Variants in HS6ST3 observed in about 807,000 individuals in gnomAD.
The protein encoded by HS6ST3 is heparan-sulfate 6-O-sulfotransferase 3.
A neutral mutation model predicts 36.7 loss-of-function variants in HS6ST3; 12 were observed. That is an observed-to-expected ratio of 0.33 (90% CI 0.21 to 0.53). The LOEUF (loss-of-function observed/expected upper bound fraction) is 0.53. HS6ST3 is among the 20% of genes least tolerant of loss of function. The pLI is 0.95. For synonymous variants in HS6ST3, 240 were observed against 257.5 expected, an observed-to-expected ratio of 0.93 and a Z score of 0.65; for missense variants, 584 against 640.9, an observed-to-expected ratio of 0.91 and a Z score of 0.96.
At chr13:96,632,596 T>G (rs1158739955) in intron 1 of HS6ST3, among the ~76,000 whole-genome samples, 1 of 152,182 alleles carries the variant, frequency 6.6e-6, no homozygotes, top group Non-Finnish European at 1.5e-5. Context: ...GAATTTAAGC[T>G]ACCATTAAGA....
At chr13:96,244,018 G>A (rs755173292) in intron 1 of HS6ST3, among the ~76,000 whole-genome samples, 13 of 151,768 alleles carry the variant, frequency 8.6e-5, no homozygotes, top group Admixed American at 2.6e-4. Flanking sequence ...AGGCCCCCCC[G>A]AGAATCTTAA....
At chr13:96,134,913 T>A (rs2053993792) in intron 1 of HS6ST3, among the ~76,000 whole-genome samples, 1 of 152,234 alleles carries the variant, frequency 6.6e-6, no homozygotes. Flanking sequence ...GTTTTTCTTT[T>A]CTTGCATCCC....
intron 1 of HS6ST3, among the ~76,000 whole-genome samples, chr13:96,556,608 C>A (rs1164954822): frequency 1.3e-5 from 2 of 152,052 alleles, no homozygotes; most frequent in Admixed American, 6.6e-5. Context: ...AAAAAGAAAT[C>A]CTGTTTGGAT....
intron 1 of HS6ST3, among the ~76,000 whole-genome samples, chr13:96,439,856 GAT>G (rs1207729746): frequency 1.3e-5 from 2 of 152,194 alleles, no homozygotes; most frequent in Non-Finnish European, 2.9e-5. Flanking sequence ...CTAATTATGT[GAT>G]AAACTCAAGT....
At chr13:96,533,359 G>A (rs910228988) in intron 1 of HS6ST3, among the ~76,000 whole-genome samples, 1 of 152,122 alleles carries the variant, frequency 6.6e-6, no homozygotes, top group Non-Finnish European at 1.5e-5. Flanking sequence ...GATCCTGTAT[G>A]TTATTGACAA....
At chr13:96,300,240 A>G (rs2054875343) in intron 1 of HS6ST3, among the ~76,000 whole-genome samples, 2 of 151,606 alleles carry the variant, frequency 1.3e-5, no homozygotes, top group South Asian at 4.2e-4. Flanking sequence ...TATTTTTAGT[A>G]GAGATGGAGT....
intron 1 of HS6ST3, among the ~76,000 whole-genome samples, chr13:96,673,731 T>G (rs2056689856): frequency 6.6e-6 from 1 of 152,116 alleles, no homozygotes; most frequent in Non-Finnish European, 1.5e-5. Flanking sequence ...TTTCTTCAAT[T>G]TATCTCTTCT....
intron 1 of HS6ST3, among the ~76,000 whole-genome samples, chr13:96,302,780 TATA>T (rs1396458673): frequency 3.9e-5 from 6 of 152,270 alleles, no homozygotes; most frequent in Middle Eastern, 3.4e-3. Flanking sequence ...AGTGTGATAA[TATA>T]ATGATTACAC....
chr13:96,438,032 C>A (rs867048025), intron 1 of HS6ST3, among the ~76,000 whole-genome samples: 1 of 152,146 alleles, frequency 6.6e-6, no homozygotes, highest in East Asian at 1.9e-4. Flanking sequence ...CGCTGGGGGA[C>A]ATTCTATTAT....
At chr13:96,452,523 G>C (rs1309556653) in intron 1 of HS6ST3, among the ~76,000 whole-genome samples, 4 of 149,604 alleles carry the variant, frequency 2.7e-5, no homozygotes, top group African/African-American at 9.9e-5. Context: ...TCAAAAATGT[G>C]AATTTTAAGA....
chr13:96,245,114 T>C (rs1196011532), intron 1 of HS6ST3, among the ~76,000 whole-genome samples: 5 of 152,214 alleles, frequency 3.3e-5, no homozygotes, highest in Admixed American at 6.5e-5. Context: ...TCCCAGATGA[T>C]TGAAATCAAG....
chr13:96,133,353 C>G (rs529938265), intron 1 of HS6ST3, among the ~76,000 whole-genome samples: 4 of 152,222 alleles, frequency 2.6e-5, no homozygotes, highest in East Asian at 3.9e-4. Flanking sequence ...GTCTTGAACT[C>G]CTGACCTCGT....
chr13:96,346,543 G>C lies in HS6ST3; in HGVS notation c.707+254974G>C, dbSNP rs1015067738. On this transcript the variant is annotated intron_variant, in intron 1 of 1. Coordinates refer to ENST00000376705, the MANE Select transcript of HS6ST3 (RefSeq NM_153456.4). ...TGAGCCGAGATCGCGCCACTGCACT[G>C]CAGCCTGGGCGACAGAGAGACTCCG... is the stretch of plus-strand genomic sequence containing the variant. 1.1e-4 allele frequency among the ~76,000 whole-genome samples: 17 copies of C among 150,548 alleles called. No individual in the cohort carries two copies. The South Asian group carries it at 1.3e-3, about 11-fold the overall frequency.
chr13:96,715,199 A>G (rs1875663438), intron 1 of HS6ST3, among the ~76,000 whole-genome samples: 1 of 152,142 alleles, frequency 6.6e-6, no homozygotes, highest in Non-Finnish European at 1.5e-5. Context: ...TGAAGGAAAA[A>G]TTGGCAAACT....
In HS6ST3 at chr13:96,157,298, A is replaced by G. The variant is rs373310428; in HGVS notation, c.707+65729A>G. 6.6e-5 allele frequency among the ~76,000 whole-genome samples: 10 copies of G among 152,310 alleles called. No homozygotes were observed. The South Asian group carries it at 1.4e-3, about 22-fold the overall frequency. ...CTCCCCATCTTTCAGTGGGATAATG[A>G]AATTACAGAGATTTTAATTCCCTAA... On this transcript the variant is annotated intron_variant, in intron 1 of 1. Transcript: ENST00000376705.
intron 1 of HS6ST3, among the ~76,000 whole-genome samples, chr13:96,820,763 G>A (rs1046102281): frequency 3.9e-5 from 6 of 152,214 alleles, no homozygotes; most frequent in African/African-American, 1.4e-4. Flanking sequence ...ATGCACTCAT[G>A]CTTTGTCCAA....
At chr13:96,654,837 A>G (rs1020774560) in intron 1 of HS6ST3, among the ~76,000 whole-genome samples, 30 of 152,122 alleles carry the variant, frequency 2.0e-4, no homozygotes, top group Non-Finnish European at 4.4e-4. Context: ...TTAACCATCA[A>G]TTTAAGAACA....
intron 1 of HS6ST3, among the ~76,000 whole-genome samples, chr13:96,365,491 T>C (rs529378598): frequency 9.8e-5 from 15 of 152,336 alleles, no homozygotes; most frequent in African/African-American, 3.6e-4. Flanking sequence ...TTCTCTTTTT[T>C]TTCTGCTCCA....
rs116069371 is a variant in HS6ST3 at position 96,231,997 on chromosome 13, A to G, written c.707+140428A>G. On this transcript the variant is annotated intron_variant, in intron 1 of 1. Coordinates refer to ENST00000376705, the MANE Select transcript of HS6ST3 (RefSeq NM_153456.4). ...TCCAGCAGCATTTGTCTGCTTGGGT[A>G]TAAGAGGGATACACATAGCCCATTG... Among the ~76,000 whole-genome samples the G allele has an allele frequency of 9.0e-3, 1,366 of 152,262 alleles. 12 individuals carry two copies. The highest frequency in any genetic ancestry group is 0.031 in the African/African-American group (1,272 of 41,552).
Sources: gnomAD v4.1 joint callset for allele counts (sites outside exome capture counted in the v4.1 genomes callset) on GRCh38, gnomAD v4.1.1 for gene constraint, MANE v1.5 for transcripts, NCBI Gene and HGNC (gene_info 2026-07-23, HGNC 2026-07-21) for gene names.